The following DCSTAMP variants were observed in gnomAD, a reference collection of about 807,000 sequenced individuals.
DCSTAMP encodes the protein dendrocyte expressed seven transmembrane protein.
A neutral mutation model predicts 33.8 loss-of-function variants in DCSTAMP; 25 were observed. The ratio of observed to expected loss-of-function variants is 0.74; its 90% confidence interval spans 0.54 to 1.03. DCSTAMP has a LOEUF of 1.03. Among genes scored for constraint, DCSTAMP ranks in the 50% least tolerant of loss-of-function variants. DCSTAMP has a pLI of 0.00. For missense variants in DCSTAMP, 531 were observed against 556.8 expected, an observed-to-expected ratio of 0.95 and a Z score of 0.47; for synonymous variants, 245 against 216.7, an observed-to-expected ratio of 1.13 and a Z score of -1.15.
Position 104,349,153 on chromosome 8 carries a change from G to A in DCSTAMP, c.601G>A (p.Ala201Thr). ...AGTCCTGAGCGTCTTGTACCAGATGGCAACAACCACAGAGGTGTTGTCCTC... is the reference window on the plus strand; with the variant it reads ...AGTCCTGAGCGTCTTGTACCAGATGACAACAACCACAGAGGTGTTGTCCTC... Reference protein sequence around the residue: ...GEVLSVLYQMATTTEVLSSLG... With the variant: ...GEVLSVLYQMTTTTEVLSSLG... Residue 201 changes from alanine to threonine, a missense_variant, in exon 2 of 4, where the codon GCA (alanine) becomes ACA (threonine). Physicochemically the swap from Ala to Thr is moderately conservative, Grantham distance 58. Coordinates refer to ENST00000297581, the MANE Select transcript of DCSTAMP (RefSeq NM_030788.4). 1 of 1,614,140 alleles carries A rather than the reference G, an allele frequency of 6.2e-7. No homozygotes were observed. Among genetic ancestry groups the A allele is most frequent in the Non-Finnish European group, 8.5e-7 (1 of 1,180,028 alleles).
intron 3 of DCSTAMP, among the ~76,000 whole-genome samples, chr8:104,355,443 A>T (rs1383384442): frequency 2.6e-5 from 4 of 152,218 alleles, no homozygotes; most frequent in African/African-American, 7.2e-5. Flanking sequence ...GTCATTGTAG[A>T]GAGGCGACTG....
At position 104,348,736 on chromosome 8, in the gene DCSTAMP, G is replaced by A. The variant is rs755037579; in HGVS notation, c.184G>A (p.Ala62Thr). ...CWFLPSIIAAAASWIITCVLL... is the reference protein window; with the variant it reads ...CWFLPSIIAATASWIITCVLL... The stretch of plus-strand genomic sequence containing the variant: ...GTTTCTGCCATCAATCATAGCGGCC[G>A]CTGCCTCCTGGATTATCACGTGTGT... The change falls in exon 2 of 4, where the codon GCT becomes ACT. Residue 62 changes from alanine (A) to threonine (T), a missense_variant. Physicochemically the swap from Ala to Thr is moderately conservative, Grantham distance 58. Coordinates refer to ENST00000297581, the MANE Select transcript of DCSTAMP (RefSeq NM_030788.4). The A allele has an allele frequency of 1.6e-5, 26 of 1,614,044 alleles. No individual in the cohort carries two copies. Among genetic ancestry groups the A allele is most frequent in the African/African-American group, 4.0e-5 (3 of 74,914 alleles).
At chr8:104,340,370 C>G (rs2099382579) in intron 1 of DCSTAMP, 1 of 152,202 alleles carries the variant, frequency 6.6e-6, no homozygotes, top group African/African-American at 2.4e-5. Context: ...CTCTCTACCT[C>G]AAATGAAGGC....
chr8:104,343,486 G>C lies in DCSTAMP; in HGVS notation c.-13+3624G>C, dbSNP rs137898516. On this transcript the variant is annotated intron_variant, in intron 1 of 3. Transcript: ENST00000297581. ...GGATATTGTTATGGACAGAATGTTT[G>C]TGTCTTCTGCCAATTTATTTGAACC... Among the ~76,000 whole-genome samples, 141 of 152,308 alleles carry C rather than the reference G, an allele frequency of 9.3e-4. 1 individual carries two copies. The South Asian group carries it at 9.9e-3, about 11-fold the overall frequency.
At chr8:104,355,249 A>G (rs1242512482) in intron 3 of DCSTAMP, 64 bp downstream of exon 3, 3 of 1,520,156 alleles carry the variant, frequency 2.0e-6, no homozygotes, top group Non-Finnish European at 2.7e-6. Context: ...GGAAATGGGA[A>G]AGGGGACTTC....
chr8:104,349,706 AG>A, intron 2 of DCSTAMP, 125 bp downstream of exon 2: 15 of 1,068,496 alleles, frequency 1.4e-5, no homozygotes, highest in Non-Finnish European at 1.9e-5. Context: ...TGCCCAGCAT[AG>A]TGCTTGGCAC....
In DCSTAMP at chr8:104,349,575, C is replaced by T. The variant is rs117086639; in HGVS notation, c.1023C>T (p.His341=). 0.011 allele frequency: 17,006 copies of T among 1,609,514 alleles called. 149 individuals carry two copies. Among genetic ancestry groups the T allele is most frequent in the East Asian group, 0.025 (1,111 of 44,848 alleles). ...GGTTTGAGGTTCACTTGAAACTGCACGGAGAGGTAGGGCCCACAGGTACTT... is the reference window on the plus strand; with the variant it reads ...GGTTTGAGGTTCACTTGAAACTGCATGGAGAGGTAGGGCCCACAGGTACTT... ...LPGFEVHLKL[H]GEKQGTQDII... Residue 341 remains histidine, a synonymous_variant, in exon 2 of 4, where the codon CAC becomes CAT. Transcript: ENST00000297581.
At chr8:104,351,731 G>A (rs1810469194) in intron 2 of DCSTAMP, among the ~76,000 whole-genome samples, 1 of 152,158 alleles carries the variant, frequency 6.6e-6, no homozygotes, top group African/African-American at 2.4e-5. Flanking sequence ...GCTGGTAGGA[G>A]TGCCTTATGC....
intron 1 of DCSTAMP, among the ~76,000 whole-genome samples, chr8:104,341,478 A>G (rs1281642495): frequency 2.6e-5 from 4 of 152,186 alleles, no homozygotes; most frequent in South Asian, 2.1e-4. Context: ...GGGGCTCTCA[A>G]TGCTCCCACT....
rs1810407743 is a variant in DCSTAMP at position 104,349,479 on chromosome 8, G to A, written c.927G>A (p.Leu309=). 1.9e-6 allele frequency: 3 copies of A among 1,614,194 alleles called. No individual in the cohort carries two copies. The part of the protein sequence containing the change: ...PILIHLCIWV[L]FAAVDYLLYR... ...TTATCCATCTCTGCATCTGGGTGCT[G>A]TTTGCAGCTGTAGATTATCTGCTGT... Residue 309 remains leucine (L), a synonymous_variant, in exon 2 of 4, where the codon CTG becomes CTA. Transcript: ENST00000297581.
chr8:104,342,982 A>G (rs1355637247), intron 1 of DCSTAMP, among the ~76,000 whole-genome samples: 2 of 152,224 alleles, frequency 1.3e-5, no homozygotes, highest in African/African-American at 2.4e-5. Flanking sequence ...GGCTCAATAA[A>G]GCTATGCTGG....
intron 1 of DCSTAMP, chr8:104,340,351 T>C (rs2099382572): frequency 6.6e-6 from 1 of 152,224 alleles, no homozygotes; most frequent in African/African-American, 2.4e-5. Flanking sequence ...AACAAAGTCA[T>C]GAGGAGTTCT....
In DCSTAMP at chr8:104,348,735, C is replaced by T. The variant is rs201203725; in HGVS notation, c.183C>T (p.Ala61=). 6.8e-5 allele frequency: 109 copies of T among 1,614,104 alleles called. No individual in the cohort carries two copies. Among genetic ancestry groups the T allele is most frequent in the South Asian group, 5.2e-4 (47 of 91,064 alleles). Residue 61 remains alanine, a synonymous_variant, in exon 2 of 4, where the codon GCC becomes GCT. Transcript: ENST00000297581. ...ACWFLPSIIA[A]AASWIITCVL... ...GGTTTCTGCCATCAATCATAGCGGC[C>T]GCTGCCTCCTGGATTATCACGTGTG...
At position 104,348,708 on chromosome 8, in the gene DCSTAMP, C is replaced by T; in HGVS notation, c.156C>T (p.Cys52=). ...TGGGCCTCCTGTCTGTGGCCGCCTG[C>T]TGGTTTCTGCCATCAATCATAGCGG... is the stretch of plus-strand genomic sequence containing the variant. ...ISVGLLSVAA[C]WFLPSIIAAA... is the part of the protein sequence containing the mutation. The change falls in exon 2 of 4, where the codon TGC becomes TGT. Residue 52 remains cysteine, a synonymous_variant. Coordinates refer to ENST00000297581, the MANE Select transcript of DCSTAMP (RefSeq NM_030788.4). 6.2e-7 allele frequency: 1 copy of T among 1,614,162 alleles called. No individual in the cohort carries two copies. Among genetic ancestry groups the T allele is most frequent in the South Asian group, 1.1e-5 (1 of 91,068 alleles).
rs1205008471 is a variant in DCSTAMP, at chr8:104,339,972, C to T, written c.-13+110C>T. On this transcript the variant is annotated intron_variant, in intron 1 of 3. Transcript: ENST00000297581. ...GCATACTTTAAGGCCCCCTATACCC[C>T]GACAGTCTCCCTATGTATGGAAGTA... is the stretch of plus-strand genomic sequence containing the variant. 11 of 152,310 alleles carry T rather than the reference C, an allele frequency of 7.2e-5. No individual in the cohort carries two copies. In the South Asian group the frequency reaches 1.0e-3, roughly 14 times the overall value. The allele number at this position is 152,310 out of a possible 1,614,324, so 9.4% of individuals were successfully genotyped here.
At chr8:104,348,403 A>G in intron 1 of DCSTAMP, 138 bp from the exon 2 acceptor site, 2 of 815,482 alleles carry the variant, frequency 2.5e-6, no homozygotes. Context: ...CTGTAAAGTC[A>G]TATTTCAAGG....
chr8:104,340,766 G>T (rs1588367219), intron 1 of DCSTAMP, among the ~76,000 whole-genome samples: 1 of 152,204 alleles, frequency 6.6e-6, no homozygotes, highest in Non-Finnish European at 1.5e-5. Flanking sequence ...CTCTTTTCCT[G>T]TTCTGCTCTG....
At chr8:104,349,611 A>T (rs559554308) in intron 2 of DCSTAMP, 30 bp downstream of exon 2, 2 of 1,575,312 alleles carry the variant, frequency 1.3e-6, no homozygotes, top group Non-Finnish European at 1.7e-6. Flanking sequence ...CTCATGGTTT[A>T]TCCCGGCTAT....
intron 1 of DCSTAMP, among the ~76,000 whole-genome samples, chr8:104,344,119 G>T (rs1217644695): frequency 6.6e-6 from 1 of 152,192 alleles, no homozygotes; most frequent in African/African-American, 2.4e-5. Context: ...TCCTAGCTTA[G>T]AGTCCCTTAG....
Sources: allele counts gnomAD v4.1 joint callset (sites outside exome capture counted in the v4.1 genomes callset), GRCh38; gene constraint gnomAD v4.1.1; transcripts MANE v1.5; gene names NCBI Gene and HGNC (gene_info 2026-07-23, HGNC 2026-07-21).